CSMD1: variants seen among roughly 807,000 people sequenced by gnomAD.
The protein encoded by CSMD1 is CUB and sushi domain-containing protein 1.
Under a neutral mutation model 417.5 loss-of-function variants are expected in CSMD1, and 213 were observed. The observed-to-expected ratio is 0.51, with a 90% CI of 0.46 to 0.57. The LOEUF (loss-of-function observed/expected upper bound fraction) is 0.57. CSMD1 is among the 20% of genes least tolerant of loss of function. The probability of loss-of-function intolerance (pLI) is 0.00; values close to 1 mark genes in which losing one functional copy is unlikely to be tolerated. For synonymous variants in CSMD1, 2,862 were observed against 1,736.8 expected (o/e 1.65, Z -16.11); for missense variants, 6,923 against 4,529.7 (o/e 1.53, Z -15.17).
At chr8:4,582,016 A>C (rs1282333121) in intron 2 of CSMD1, among the ~76,000 whole-genome samples, 1 of 152,220 alleles carries the variant, frequency 6.6e-6, no homozygotes, top group Non-Finnish European at 1.5e-5. Context: ...ACGATGATGA[A>C]ATGAAACAGC....
chr8:4,208,705 T>G (rs888891204), intron 3 of CSMD1, among the ~76,000 whole-genome samples: 1 of 152,240 alleles, frequency 6.6e-6, no homozygotes, highest in Middle Eastern at 3.4e-3. Flanking sequence ...TGATTAAAAA[T>G]ATAGCAGAAT....
chr8:4,753,244 G>A (rs1345999548), intron 1 of CSMD1, among the ~76,000 whole-genome samples: 6 of 151,636 alleles, frequency 4.0e-5, no homozygotes, highest in Non-Finnish European at 8.9e-5. Context: ...GCTGTTCTGG[G>A]CTGAGTCACA....
At chr8:4,760,507 C>G (rs921478172) in intron 1 of CSMD1, among the ~76,000 whole-genome samples, 1 of 152,058 alleles carries the variant, frequency 6.6e-6, no homozygotes, top group Non-Finnish European at 1.5e-5. Flanking sequence ...ATTTCCCAAT[C>G]AATAGAAAGC....
At chr8:4,619,063 C>T (rs563005279) in intron 2 of CSMD1, among the ~76,000 whole-genome samples, 26 of 152,140 alleles carry the variant, frequency 1.7e-4, no homozygotes, top group African/African-American at 5.8e-4. Context: ...CATTTTTTCC[C>T]GGTACGAAAG....
chr8:4,981,823 T>G (rs544376368), intron 1 of CSMD1, among the ~76,000 whole-genome samples: 1 of 152,154 alleles, frequency 6.6e-6, no homozygotes, highest in African/African-American at 2.4e-5. Flanking sequence ...CATGTGATTA[T>G]GTGTACAGGA....
intron 3 of CSMD1, among the ~76,000 whole-genome samples, chr8:4,156,036 G>C (rs1398569475): frequency 2.6e-5 from 4 of 152,096 alleles, no homozygotes; most frequent in African/African-American, 9.7e-5. Flanking sequence ...TGGTTCCTCA[G>C]ATGAGCTCCA....
chr8:3,992,722 A>T (rs1320368956), intron 5 of CSMD1, among the ~76,000 whole-genome samples: 1 of 152,240 alleles, frequency 6.6e-6, no homozygotes, highest in Non-Finnish European at 1.5e-5. Flanking sequence ...TTGAGGCTAC[A>T]GTGAGCTATG....
At chr8:3,801,237 A>G (rs1043098757) in intron 5 of CSMD1, among the ~76,000 whole-genome samples, 12 of 152,098 alleles carry the variant, frequency 7.9e-5, no homozygotes, top group African/African-American at 2.7e-4. Flanking sequence ...ACCAGAATAT[A>G]TAGAGAGAAC....
At chr8:3,599,346 C>T (rs1401427652) in intron 8 of CSMD1, among the ~76,000 whole-genome samples, 1 of 152,114 alleles carries the variant, frequency 6.6e-6, no homozygotes, top group Admixed American at 6.6e-5. Flanking sequence ...TCTCAGGATG[C>T]AACACGGCAT....
At chr8:4,900,833 C>G (rs980718409) in intron 1 of CSMD1, among the ~76,000 whole-genome samples, 2 of 152,214 alleles carry the variant, frequency 1.3e-5, no homozygotes, top group Non-Finnish European at 2.9e-5. Context: ...TCTCACGGCT[C>G]TAATTTCTGT....
At chr8:4,945,126 T>C (rs1808282731) in intron 1 of CSMD1, among the ~76,000 whole-genome samples, 1 of 152,094 alleles carries the variant, frequency 6.6e-6, no homozygotes, top group South Asian at 2.1e-4. Flanking sequence ...CACAATATAA[T>C]CAGCGTAATT....
intron 3 of CSMD1, among the ~76,000 whole-genome samples, chr8:4,329,812 T>G (rs1365468304): frequency 3.3e-5 from 5 of 151,428 alleles, no homozygotes; most frequent in African/African-American, 1.2e-4. Flanking sequence ...TCTCATGAGA[T>G]GTGGTCAATT....
chr8:4,957,147 T>G (rs1400623854), intron 1 of CSMD1, among the ~76,000 whole-genome samples: 1 of 152,172 alleles, frequency 6.6e-6, no homozygotes, highest in East Asian at 1.9e-4. Context: ...AATCTGGCAA[T>G]TAGGTAAAAA....
intron 3 of CSMD1, among the ~76,000 whole-genome samples, chr8:4,236,217 A>T (rs1411588726): frequency 6.6e-6 from 1 of 151,988 alleles, no homozygotes; most frequent in East Asian, 1.9e-4. Context: ...GAATTCATAG[A>T]TCTATAATCC....
chr8:4,899,221 A>C (rs1585288456), intron 1 of CSMD1, among the ~76,000 whole-genome samples: 4 of 152,358 alleles, frequency 2.6e-5, no homozygotes, highest in Middle Eastern at 3.4e-3. Flanking sequence ...CATTTGAAGC[A>C]AATACTTCAG....
At chr8:3,383,036 T>C (rs1283991835) in intron 18 of CSMD1, among the ~76,000 whole-genome samples, 1 of 152,184 alleles carries the variant, frequency 6.6e-6, no homozygotes, top group Non-Finnish European at 1.5e-5. Flanking sequence ...ATACCAATGA[T>C]GCCAGCGCAT....
chr8:4,927,926 T>A (rs574382434), intron 1 of CSMD1, among the ~76,000 whole-genome samples: 15 of 152,270 alleles, frequency 9.9e-5, no homozygotes, highest in African/African-American at 3.6e-4. Flanking sequence ...ATGAAAATCA[T>A]TTTCTAAGTG....
At chr8:4,911,104 G>C (rs958690973) in intron 1 of CSMD1, among the ~76,000 whole-genome samples, 3 of 152,188 alleles carry the variant, frequency 2.0e-5, no homozygotes, top group Non-Finnish European at 2.9e-5. Flanking sequence ...ATGTGGAACT[G>C]TAAGTCCATT....
chr8:3,799,685 T>A (rs1010988677), intron 5 of CSMD1, among the ~76,000 whole-genome samples: 2 of 151,790 alleles, frequency 1.3e-5, no homozygotes, highest in Non-Finnish European at 2.9e-5. Flanking sequence ...TGCTTCCTTA[T>A]CTGACAGTTA....
Sources: gnomAD v4.1 joint callset for allele counts (sites outside exome capture counted in the v4.1 genomes callset) on GRCh38, gnomAD v4.1.1 for gene constraint, MANE v1.5 for transcripts, NCBI Gene and HGNC (gene_info 2026-07-23, HGNC 2026-07-21) for gene names.